The following ARMC2 variants were observed in gnomAD, a reference collection of about 807,000 sequenced individuals.
ARMC2 encodes armadillo repeat containing 2, also known as armadillo repeat-containing protein 2.
Under a neutral mutation model 90.3 loss-of-function variants are expected in ARMC2, and 67 were observed. The observed-to-expected ratio is 0.74, with a 90% CI of 0.61 to 0.91. The LOEUF is 0.91. ARMC2 is among the 40% of genes least tolerant of loss of function. The pLI, the probability that ARMC2 is intolerant of heterozygous loss-of-function variation, is 0.00. For synonymous variants in ARMC2, 393 were observed against 393.0 expected (o/e 1.00, Z 0.00); for missense variants, 920 against 1,030.9 (o/e 0.89, Z 1.47).
At chr6:109,000,381 G>C in the ARMC2 span, 2 of 749,992 alleles carry the variant, frequency 2.7e-6, no homozygotes, top group South Asian at 3.5e-5. Flanking sequence ...AGAGATTCAG[G>C]GGGTAGAAAA....
At chr6:108,911,059 G>A (rs1583087268) in intron 9 of ARMC2, 58 bp downstream of exon 9, 6 of 1,066,802 alleles carry the variant, frequency 5.6e-6, no homozygotes, top group Non-Finnish European at 8.1e-6. Context: ...AAAATTAGAA[G>A]TCTGGAGAGA....
At chr6:108,917,869 T>C (rs2754815) in intron 10 of ARMC2, among the ~76,000 whole-genome samples, 112,762 of 151,840 alleles carry the variant, frequency 0.74, 42,224 homozygotes, top group Middle Eastern at 0.81. Context: ...CTAGTAGAGA[T>C]GGGTTTTCAC....
At chr6:108,992,984 C>G in the ARMC2 span, 4 of 813,642 alleles carry the variant, frequency 4.9e-6, no homozygotes, top group East Asian at 7.7e-5. Context: ...AATGGCATAA[C>G]TCTTTCTCTG....
chr6:108,940,982 C>T (rs1471203760), intron 12 of ARMC2, among the ~76,000 whole-genome samples: 4 of 152,074 alleles, frequency 2.6e-5, no homozygotes, highest in African/African-American at 4.8e-5. Context: ...ATTAGCCGTG[C>T]GTGGTGGCAC....
intron 17 of ARMC2, among the ~76,000 whole-genome samples, chr6:108,970,923 T>C (rs1778719275): frequency 6.6e-6 from 1 of 152,160 alleles, no homozygotes; most frequent in Non-Finnish European, 1.5e-5. Context: ...GAAGATGGCC[T>C]AGAAATGTGA....
At chr6:108,938,885 A>G (rs1460277728) in intron 12 of ARMC2, among the ~76,000 whole-genome samples, 1 of 152,208 alleles carries the variant, frequency 6.6e-6, no homozygotes, top group Non-Finnish European at 1.5e-5. Flanking sequence ...GAATAAACCA[A>G]CAAAAATCCT....
At chr6:108,961,471 G>A in intron 13 of ARMC2, 101 bp from the exon 14 acceptor site, 1 of 1,337,004 alleles carries the variant, frequency 7.5e-7, no homozygotes, top group South Asian at 1.5e-5. Context: ...GACCCTGCGT[G>A]ATCGCAGCCG....
the ARMC2 span, among the ~76,000 whole-genome samples, chr6:109,026,054 A>G: frequency 6.6e-6 from 1 of 152,150 alleles, no homozygotes; most frequent in Non-Finnish European, 1.5e-5. Flanking sequence ...AAGAGATCTT[A>G]AAGTCCATGA....
chr6:108,996,479 T>G, the ARMC2 span, among the ~76,000 whole-genome samples: 1 of 152,204 alleles, frequency 6.6e-6, no homozygotes, highest in Non-Finnish European at 1.5e-5. Flanking sequence ...TCACATTATC[T>G]GTCACTAATT....
At chr6:108,940,688 GCTT>G (rs1285193890) in intron 12 of ARMC2, among the ~76,000 whole-genome samples, 2 of 152,124 alleles carry the variant, frequency 1.3e-5, no homozygotes, top group Non-Finnish European at 2.9e-5. Flanking sequence ...GAAGCTTCTA[GCTT>G]GCCTTTCTAT....
the ARMC2 span, among the ~76,000 whole-genome samples, chr6:108,980,676 C>T: frequency 6.6e-6 from 1 of 152,142 alleles, no homozygotes. Context: ...GGGCCTGCTG[C>T]CTTTTTTTCA....
At chr6:108,998,276 A>C in the ARMC2 span, among the ~76,000 whole-genome samples, 3 of 152,140 alleles carry the variant, frequency 2.0e-5, no homozygotes, top group African/African-American at 7.2e-5. Context: ...TCTAAATGTA[A>C]ACTCCTACAG....
At position 108,964,289 on chromosome 6, in the gene ARMC2, G is replaced by C; in HGVS notation, c.2262G>C (p.Leu754Phe). 6.2e-7 allele frequency: 1 copy of C among 1,613,972 alleles called. No individual in the cohort carries two copies. ...LTVDKDKRVI[L>F]KEGGGIKKLV... ...TGGATAAAGACAAGCGTGTCATCTT[G>C]AAAGAAGGAGGTGGCATTAAAAAGT... is the stretch of plus-strand genomic sequence containing the variant. Residue 754 changes from leucine to phenylalanine, a missense_variant, in exon 16 of 18, where the codon TTG (leucine) becomes TTC (phenylalanine). By Grantham distance (22) the Leu-to-Phe change is conservative. Transcript: ENST00000392644.
chr6:108,953,892 C>T (rs551299084), intron 13 of ARMC2, among the ~76,000 whole-genome samples: 1 of 152,168 alleles, frequency 6.6e-6, no homozygotes, highest in Non-Finnish European at 1.5e-5. Flanking sequence ...GATTGGGCAA[C>T]TTTGTCAGAA....
At chr6:108,861,194 A>T (rs1308599600) in intron 3 of ARMC2, among the ~76,000 whole-genome samples, 1 of 152,196 alleles carries the variant, frequency 6.6e-6, no homozygotes, top group Non-Finnish European at 1.5e-5. Context: ...ACTTGGTGAT[A>T]CCAGTTCCCT....
chr6:108,874,589 C>T (rs940532252), intron 4 of ARMC2, among the ~76,000 whole-genome samples: 11 of 152,128 alleles, frequency 7.2e-5, no homozygotes, highest in African/African-American at 2.2e-4. Context: ...AGGTTTTGAG[C>T]GTGCTAGCAC....
At chr6:108,887,653 T>C (rs560423721) in intron 5 of ARMC2, among the ~76,000 whole-genome samples, 2 of 152,178 alleles carry the variant, frequency 1.3e-5, no homozygotes, top group Admixed American at 6.5e-5. Context: ...CCATTGAAAT[T>C]AGGTTTTTGT....
At position 108,864,541 on chromosome 6, in the gene ARMC2, C is replaced by T. The variant is rs528302106; in HGVS notation, c.292-4283C>T. On this transcript the variant is annotated intron_variant, in intron 3 of 17. Coordinates refer to ENST00000392644, the MANE Select transcript of ARMC2 (RefSeq NM_032131.6). ...GGATTACAGGCATGAGCCACCACGC[C>T]TGGCGGCTTGCGAGAATGTTTAATA... is the stretch of plus-strand genomic sequence containing the variant. Among the ~76,000 whole-genome samples, 5 of 152,316 alleles carry T rather than the reference C, an allele frequency of 3.3e-5. No homozygotes were observed. The South Asian group carries it at 1.0e-3, about 32-fold the overall frequency.
At chr6:108,929,982 C>G (rs919649446) in intron 11 of ARMC2, among the ~76,000 whole-genome samples, 3 of 151,928 alleles carry the variant, frequency 2.0e-5, no homozygotes, top group African/African-American at 7.3e-5. Context: ...AAAAAATTAG[C>G]CAGGCATGGT....
Sources: allele counts gnomAD v4.1 joint callset (sites outside exome capture counted in the v4.1 genomes callset), GRCh38; gene constraint gnomAD v4.1.1; transcripts MANE v1.5; gene names NCBI Gene and HGNC (gene_info 2026-07-23, HGNC 2026-07-21).